The following CALN1 variants were observed in gnomAD, a reference collection of about 807,000 sequenced individuals.
The protein encoded by CALN1 is calcium-binding protein 8.
A neutral mutation model predicts 30.6 loss-of-function variants in CALN1; 17 were observed. That is an observed-to-expected ratio of 0.56 (90% CI 0.38 to 0.83). CALN1 has a LOEUF of 0.83. Among genes scored for constraint, CALN1 ranks in the 40% least tolerant of loss-of-function variants. The probability of loss-of-function intolerance (pLI) is 0.00; values close to 1 mark genes in which losing one functional copy is unlikely to be tolerated. For missense variants in CALN1, 291 were observed against 354.9 expected (o/e 0.82, Z 1.45); for synonymous variants, 156 against 131.4 (o/e 1.19, Z -1.28).
intron 3 of CALN1, among the ~76,000 whole-genome samples, chr7:72,226,167 T>C (rs777240709): frequency 6.7e-6 from 1 of 149,680 alleles, no homozygotes; most frequent in Non-Finnish European, 1.5e-5. Context: ...ATCGCTTGAA[T>C]CCGGGAGATG....
Position 71,964,197 on chromosome 7 carries a change from C to A in CALN1, c.501+59460G>T, listed in dbSNP as rs149606155. 3.8e-3 allele frequency among the ~76,000 whole-genome samples: 577 copies of A among 152,304 alleles called. 4 individuals carry two copies. Among genetic ancestry groups the A allele is most frequent in the Admixed American group, 0.013 (192 of 15,300 alleles). ...CCTTTATCCCCCGTCACAGGATGTG[C>A]GACAGGGTTGTGACTCTTCTTTGCT... On this transcript the variant is annotated intron_variant, in intron 5 of 6. Transcript: ENST00000395275.
chr7:72,088,104 G>A (rs1198766563), intron 4 of CALN1, among the ~76,000 whole-genome samples: 1 of 152,076 alleles, frequency 6.6e-6, no homozygotes, highest in African/African-American at 2.4e-5. Flanking sequence ...GGAGTTTGAG[G>A]TTACAGTGAG....
intron 5 of CALN1, among the ~76,000 whole-genome samples, chr7:71,929,221 A>G (rs1795426129): frequency 1.3e-5 from 2 of 152,104 alleles, no homozygotes; most frequent in African/African-American, 4.8e-5. Flanking sequence ...AGATCATCCC[A>G]TCACCTAGAT....
At chr7:71,855,388 C>A (rs931640965) in intron 5 of CALN1, among the ~76,000 whole-genome samples, 3 of 152,100 alleles carry the variant, frequency 2.0e-5, no homozygotes, top group African/African-American at 7.2e-5. Flanking sequence ...TAGGTGCACA[C>A]GGCACCCAAA....
At chr7:71,808,866 T>G (rs978973478) in intron 6 of CALN1, among the ~76,000 whole-genome samples, 2 of 152,070 alleles carry the variant, frequency 1.3e-5, no homozygotes, top group African/African-American at 2.4e-5. Flanking sequence ...GAAGGCCAGG[T>G]CTGCTGTTTT....
At chr7:72,069,353 G>T (rs1173045555) in intron 4 of CALN1, among the ~76,000 whole-genome samples, 1 of 152,056 alleles carries the variant, frequency 6.6e-6, no homozygotes, top group East Asian at 1.9e-4. Context: ...TCACCCACCT[G>T]GTGGCTTTAA....
At chr7:72,018,242 A>G (rs895664204) in intron 5 of CALN1, among the ~76,000 whole-genome samples, 1 of 152,100 alleles carries the variant, frequency 6.6e-6, no homozygotes, top group Non-Finnish European at 1.5e-5. Context: ...GCGTAAATAA[A>G]TGGTGGAAAA....
At chr7:72,037,262 T>G (rs1801857048) in intron 4 of CALN1, among the ~76,000 whole-genome samples, 12 of 152,200 alleles carry the variant, frequency 7.9e-5, no homozygotes. Context: ...ACTATTATCC[T>G]GCCTCAGCCT....
chr7:71,790,376 G>GAAAGAAAGA lies in CALN1; in HGVS notation c.659-2483_659-2475dup, dbSNP rs1793290655. Among the ~76,000 whole-genome samples, 4 of 43,678 alleles carry GAAAGAAAGA rather than the reference G, an allele frequency of 9.2e-5. No individual in the cohort carries two copies. In the South Asian group the frequency reaches 2.8e-3, roughly 30 times the overall value. The allele number at this position is 43,678 out of a possible 152,430, so 28.7% of individuals were successfully genotyped here. A position where few individuals can be genotyped will look rare whatever the true frequency, so the allele number is the denominator to read the frequency against. On this transcript the variant is annotated intron_variant, in intron 6 of 6. Coordinates refer to ENST00000395275, the MANE Select transcript of CALN1 (RefSeq NM_031468.4). ...GAAAGAAAGAAAGAAAGAAAAGAAA[G>GAAAGAAAGA]AAAGAAAGAAAGAAAGAAAGAAAGA...
chr7:72,016,155 A>G (rs1252219860), intron 5 of CALN1, among the ~76,000 whole-genome samples: 2 of 149,884 alleles, frequency 1.3e-5, no homozygotes, highest in African/African-American at 4.9e-5. Context: ...AGGCAGAGGC[A>G]GGAGAATTGC....
At chr7:71,851,252 C>CACACACACACAT (rs1491431075) in intron 5 of CALN1, among the ~76,000 whole-genome samples, 2 of 149,468 alleles carry the variant, frequency 1.3e-5, no homozygotes, top group African/African-American at 2.5e-5. Flanking sequence ...CACACACACA[C>CACACACACACAT]ATCACACATA....
At chr7:72,449,697 C>T (rs530884546), upstream of CALN1, among the ~76,000 whole-genome samples, 2 of 151,728 alleles carry the variant, frequency 1.3e-5, no homozygotes, top group Admixed American at 6.6e-5. Flanking sequence ...ATGGTGAAAC[C>T]CCGTCTCTAC....
chr7:72,392,713 T>C (rs1243458212), intron 2 of CALN1, among the ~76,000 whole-genome samples: 1 of 152,146 alleles, frequency 6.6e-6, no homozygotes, highest in Non-Finnish European at 1.5e-5. Context: ...CAGTGGCACA[T>C]ATCTGTAATC....
chr7:71,893,792 T>G, intron 5 of CALN1, among the ~76,000 whole-genome samples: 1 of 152,110 alleles, frequency 6.6e-6, no homozygotes, highest in Non-Finnish European at 1.5e-5. Flanking sequence ...CATTAAGGTT[T>G]CCTCTGAGCC....
intron 5 of CALN1, among the ~76,000 whole-genome samples, chr7:71,965,683 T>TG (rs1475716605): frequency 6.6e-6 from 1 of 152,190 alleles, no homozygotes; most frequent in Admixed American, 6.5e-5. Context: ...TCAACTGATA[T>TG]GGTATATGCA....
At chr7:72,054,534 TATATATATAC>T (rs1421090542) in intron 4 of CALN1, among the ~76,000 whole-genome samples, 38 of 118,690 alleles carry the variant, frequency 3.2e-4, no homozygotes, top group African/African-American at 1.2e-3. Context: ...TATACATACA[TATATATATAC>T]ATATATATAT....
At chr7:72,324,557 G>GT (rs1416325403) in intron 2 of CALN1, among the ~76,000 whole-genome samples, 16 of 68,610 alleles carry the variant, frequency 2.3e-4, no homozygotes, top group African/African-American at 6.0e-4. Context: ...TTTAAATGAT[G>GT]TAATTTATTT....
At chr7:71,962,489 A>T (rs1217664369) in intron 5 of CALN1, among the ~76,000 whole-genome samples, 1 of 152,218 alleles carries the variant, frequency 6.6e-6, no homozygotes, top group African/African-American at 2.4e-5. Context: ...GGCAAAAGCC[A>T]TGCCATATTT....
intron 2 of CALN1, among the ~76,000 whole-genome samples, chr7:72,323,392 A>G (rs759496691): frequency 1.1e-4 from 16 of 152,202 alleles, no homozygotes; most frequent in Non-Finnish European, 1.9e-4. Context: ...TCCACCCTAT[A>G]GCAGTGGTGG....
Sources: gnomAD v4.1 joint callset for allele counts (sites outside exome capture counted in the v4.1 genomes callset) on GRCh38, gnomAD v4.1.1 for gene constraint, MANE v1.5 for transcripts, NCBI Gene and HGNC (gene_info 2026-07-23, HGNC 2026-07-21) for gene names.